The following CDH10 variants were observed in gnomAD, a reference collection of about 807,000 sequenced individuals.
CDH10 encodes cadherin-10.
A neutral mutation model predicts 73.1 loss-of-function variants in CDH10; 30 were observed. The observed-to-expected ratio is 0.41, with a 90% CI of 0.31 to 0.56. The LOEUF (loss-of-function observed/expected upper bound fraction) is 0.56, where lower values mean the gene tolerates loss of function less well. Ranked by LOEUF, CDH10 falls within the 20% of genes least tolerant of loss-of-function variation. The pLI is 0.27. For synonymous variants in CDH10, 345 were observed against 348.2 expected, an observed-to-expected ratio of 0.99 and a Z score of 0.10; for missense variants, 815 against 973.7, an observed-to-expected ratio of 0.84 and a Z score of 2.17.
intron 9 of CDH10, 74 bp from the exon 10 acceptor site, chr5:24,492,999 T>A: frequency 1.4e-6 from 1 of 693,606 alleles, no homozygotes; most frequent in South Asian, 1.7e-5. Context: ...AAGATCTTCA[T>A]TTTGTCTGAA....
rs114002275 is a variant in CDH10, at chr5:24,608,292, T to G, written c.-123-14679A>C. Among the ~76,000 whole-genome samples, 1,237 of 148,432 alleles carry G rather than the reference T, an allele frequency of 8.3e-3. 22 individuals are homozygous for G. The highest frequency in any genetic ancestry group is 0.03 in the African/African-American group (1,169 of 38,540). On this transcript the variant is annotated intron_variant, in intron 1 of 11. Transcript: ENST00000264463. ...GCTTAATTTATTTACATTTTGAATG[T>G]TTTTTTTTATTATTATTTTGAGATG...
At chr5:24,590,805 C>A (rs1215380304) in intron 2 of CDH10, among the ~76,000 whole-genome samples, 1 of 151,992 alleles carries the variant, frequency 6.6e-6, no homozygotes, top group Non-Finnish European at 1.5e-5. Context: ...TTGTGAGCTC[C>A]CAAAATATTC....
intron 2 of CDH10, among the ~76,000 whole-genome samples, chr5:24,581,880 AC>A (rs1745816010): frequency 6.6e-6 from 1 of 152,192 alleles, no homozygotes; most frequent in Non-Finnish European, 1.5e-5. Context: ...ATCTAAAAAA[AC>A]TTAATTACAA....
At chr5:24,607,617 T>C (rs1291051119) in intron 1 of CDH10, among the ~76,000 whole-genome samples, 2 of 152,194 alleles carry the variant, frequency 1.3e-5, no homozygotes, top group Admixed American at 1.3e-4. Flanking sequence ...AGTATTATAT[T>C]ATACACTTTA....
At chr5:24,493,057 T>G in intron 9 of CDH10, 132 bp from the exon 10 acceptor site, 2 of 545,840 alleles carry the variant, frequency 3.7e-6, no homozygotes, top group Non-Finnish European at 6.6e-6. Flanking sequence ...TATCCTTGAG[T>G]TAATCCATCT....
intron 1 of CDH10, among the ~76,000 whole-genome samples, chr5:24,635,197 T>C (rs142327832): frequency 7.2e-5 from 11 of 152,054 alleles, no homozygotes; most frequent in East Asian, 1.9e-4. Flanking sequence ...GCTTGTAATA[T>C]AGACTGCAGA....
At chr5:24,609,650 C>T (rs1746878332) in intron 1 of CDH10, 1 of 152,216 alleles carries the variant, frequency 6.6e-6, no homozygotes, top group Admixed American at 6.5e-5. Flanking sequence ...TATTGAAGGA[C>T]TAGCTACTGT....
In CDH10 at chr5:24,511,481, G is replaced by A. The variant is rs2111766809; in HGVS notation, c.848C>T (p.Pro283Leu). 2 of 1,604,368 alleles carry A rather than the reference G, an allele frequency of 1.2e-6. No individual in the cohort carries two copies. The highest frequency in any genetic ancestry group is 1.7e-6 in the Non-Finnish European group (2 of 1,172,542). Reference protein sequence around the residue: ...TIHLRVLESSPVGTAIGSVKA... With the variant: ...TIHLRVLESSLVGTAIGSVKA... ...GACACTTCCAATGGCTGTGCCAACTGGGGAGGATTCAAGAACTCGAAGATG... is the reference window on the plus strand; with the variant it reads ...GACACTTCCAATGGCTGTGCCAACTAGGGAGGATTCAAGAACTCGAAGATG... Residue 283 changes from proline to leucine, a missense_variant, in exon 6 of 12, where the codon CCA becomes CTA. Transcript: ENST00000264463.
chr5:24,526,714 G>A (rs918906855), intron 5 of CDH10, among the ~76,000 whole-genome samples: 5 of 151,878 alleles, frequency 3.3e-5, no homozygotes, highest in African/African-American at 9.7e-5. Flanking sequence ...AACTCTTGCT[G>A]TTCCTATCCA....
chr5:24,618,838 T>C (rs2112162340), intron 1 of CDH10, among the ~76,000 whole-genome samples: 1 of 152,346 alleles, frequency 6.6e-6, no homozygotes, highest in East Asian at 1.9e-4. Context: ...TATACTGGTA[T>C]TAAATGACAT....
Position 24,509,581 on chromosome 5 carries a change from A to T in CDH10, c.1241T>A (p.Ile414Asn). Residue 414 changes from isoleucine (I) to asparagine (N), a missense_variant, in exon 7 of 12, where the codon ATT (isoleucine) becomes AAT (asparagine). Coordinates refer to ENST00000264463, the MANE Select transcript of CDH10 (RefSeq NM_006727.5). ...GCACACTTACCTAATGGGGCTGGAA[A>T]TAGAATCTGGGTCCCTTGCCATTAC... ...GTVMARDPDS[I>N]SSPIRFSLDR... 6.2e-7 allele frequency: 1 copy of T among 1,613,974 alleles called. No homozygotes were observed. Among genetic ancestry groups the T allele is most frequent in the Non-Finnish European group, 8.5e-7 (1 of 1,179,944 alleles).
chr5:24,529,998 T>A (rs1367906312), intron 5 of CDH10, among the ~76,000 whole-genome samples: 3 of 144,252 alleles, frequency 2.1e-5, no homozygotes, highest in Non-Finnish European at 3.0e-5. Flanking sequence ...TACCTGTGAA[T>A]AAAAGGCTCT....
At chr5:24,587,006 G>A (rs921526327) in intron 2 of CDH10, among the ~76,000 whole-genome samples, 3 of 151,314 alleles carry the variant, frequency 2.0e-5, no homozygotes, top group Non-Finnish European at 2.9e-5. Context: ...CACCGTGCCC[G>A]GCTAATTTTT....
At chr5:24,520,394 T>C (rs1307531324) in intron 5 of CDH10, among the ~76,000 whole-genome samples, 1 of 152,160 alleles carries the variant, frequency 6.6e-6, no homozygotes, top group Non-Finnish European at 1.5e-5. Flanking sequence ...TACAGTGTGA[T>C]ACTATCTTTA....
intron 2 of CDH10, among the ~76,000 whole-genome samples, chr5:24,569,802 G>T (rs1212263024): frequency 1.3e-5 from 2 of 150,116 alleles, no homozygotes; most frequent in Non-Finnish European, 3.0e-5. Flanking sequence ...TTGCTCTGTC[G>T]CCCAGGCTGG....
intron 2 of CDH10, among the ~76,000 whole-genome samples, chr5:24,583,731 C>T (rs750312592): frequency 3.3e-5 from 5 of 152,288 alleles, no homozygotes; most frequent in African/African-American, 7.2e-5. Context: ...CTGCAATCTC[C>T]GCCTCCCGGC....
chr5:24,519,457 T>C (rs1743231147), intron 5 of CDH10, among the ~76,000 whole-genome samples: 1 of 152,082 alleles, frequency 6.6e-6, no homozygotes, highest in Non-Finnish European at 1.5e-5. Flanking sequence ...GAGAAGAAGA[T>C]AGTTTCAGCA....
intron 2 of CDH10, among the ~76,000 whole-genome samples, chr5:24,554,601 T>C (rs560822577): frequency 3.8e-4 from 58 of 152,222 alleles, no homozygotes; most frequent in African/African-American, 1.4e-3. Context: ...ATGATCCTAA[T>C]ATTTTTTTCT....
chr5:24,594,009 C>T (rs373546958), intron 1 of CDH10, among the ~76,000 whole-genome samples: 13 of 151,900 alleles, frequency 8.6e-5, no homozygotes, highest in African/African-American at 2.4e-5. Context: ...ACAGGAATCA[C>T]GCCTTCTGTT....
Sources: allele counts gnomAD v4.1 joint callset (sites outside exome capture counted in the v4.1 genomes callset), GRCh38; gene constraint gnomAD v4.1.1; transcripts MANE v1.5; gene names NCBI Gene and HGNC (gene_info 2026-07-23, HGNC 2026-07-21).